Variants in DCT observed in about 807,000 individuals in gnomAD.
The protein encoded by DCT is dopachrome tautomerase, also known as L-dopachrome tautomerase.
A neutral mutation model predicts 53.0 loss-of-function variants in DCT; 47 were observed. That is an observed-to-expected ratio of 0.89 (90% CI 0.70 to 1.13). DCT has a LOEUF of 1.13. Ranked by LOEUF, DCT falls within the 50% of genes most tolerant of loss-of-function variation. The pLI is 0.00. For synonymous variants in DCT, 244 were observed against 237.0 expected (o/e 1.03, Z -0.27); for missense variants, 669 against 637.4 (o/e 1.05, Z -0.53).
intron 6 of DCT, among the ~76,000 whole-genome samples, chr13:94,448,687 G>A (rs1043726859): frequency 8.5e-5 from 13 of 152,126 alleles, no homozygotes; most frequent in Non-Finnish European, 4.4e-5. Flanking sequence ...AGGATCACCC[G>A]AGGTCAGGAG....
chr13:94,504,583 G>T, the DCT span, among the ~76,000 whole-genome samples: 1 of 152,102 alleles, frequency 6.6e-6, no homozygotes, highest in African/African-American at 2.4e-5. Flanking sequence ...TGGCCAGGCT[G>T]GTCTCGAACT....
Position 94,465,691 on chromosome 13 carries a change from C to A in DCT, c.805G>T (p.Asp269Tyr). The part of the protein sequence containing the change: ...DQLFGAARPD[D>Y]PTLISRNSRF... ...GAGTTCCGACTAATCAGAGTCGGAT[C>A]GTCTGGTCTCGCTGCCCCAAACAGC... Residue 269 changes from aspartate (D) to tyrosine (Y), a missense_variant, in exon 4 of 8, where the codon GAT becomes TAT. Asp to Tyr is a radical substitution (Grantham distance 160, BLOSUM62 -3). Transcript: ENST00000377028. 5.0e-6 allele frequency: 8 copies of A among 1,613,468 alleles called. No homozygotes were observed. The highest frequency in any genetic ancestry group is 6.8e-6 in the Non-Finnish European group (8 of 1,179,892).
the DCT span, among the ~76,000 whole-genome samples, chr13:94,485,122 T>C: frequency 1.5e-5 from 1 of 67,552 alleles, no homozygotes; most frequent in Non-Finnish European, 2.7e-5. Context: ...TCTGGCACTC[T>C]GCTGGGGGGC....
chr13:94,452,896 T>G (rs1883189036), intron 6 of DCT, among the ~76,000 whole-genome samples: 1 of 152,156 alleles, frequency 6.6e-6, no homozygotes, highest in Non-Finnish European at 1.5e-5. Context: ...TATTTGTTTG[T>G]GTATTTATAA....
the DCT span, among the ~76,000 whole-genome samples, chr13:94,511,825 AGTGTGTGTGTGTGTGT>A: frequency 0.22 from 31,846 of 143,720 alleles, 3,584 homozygotes; most frequent in South Asian, 0.33. Flanking sequence ...CAGCATTGTC[AGTGTGTGTGTGTGTGT>A]GTGTGTGTGT....
At position 94,478,954 on chromosome 13, in the gene DCT, G is replaced by T. The variant is rs1219719480; in HGVS notation, c.295+7C>A. The T allele has an allele frequency of 6.2e-7, 1 of 1,602,946 alleles. No homozygotes were observed. Among genetic ancestry groups the T allele is most frequent in the East Asian group, 2.2e-5 (1 of 44,672 alleles). ...CCTCCCCACCAAGCTTGGAGCATGG[G>T]CCTCACCTGTGCACTTGCAGGTCCG... On this transcript the variant is annotated splice_region_variant and intron_variant, in intron 1 of 7. Transcript: ENST00000377028.
chr13:94,478,059 G>A (rs564105099), intron 1 of DCT, among the ~76,000 whole-genome samples: 2 of 152,206 alleles, frequency 1.3e-5, no homozygotes, highest in African/African-American at 2.4e-5. Flanking sequence ...AGAGACCAGA[G>A]TCTAAAGGAA....
At chr13:94,476,180 CTTTTTTTTTTTTTTTTT>C (rs529819051) in intron 1 of DCT, among the ~76,000 whole-genome samples, 1 of 72,732 alleles carries the variant, frequency 1.4e-5, no homozygotes, top group Non-Finnish European at 2.5e-5. Context: ...GGGGGAGCCT[CTTTTTTTTTTTTTTTTT>C]TTTTTTTTTT....
At chr13:94,461,374 T>C (rs960611583) in intron 5 of DCT, among the ~76,000 whole-genome samples, 3 of 152,170 alleles carry the variant, frequency 2.0e-5, no homozygotes, top group African/African-American at 7.2e-5. Flanking sequence ...ACCTGGCTAC[T>C]TTTTTATATT....
chr13:94,472,557 TATATATATATA>T (rs1376980652), intron 1 of DCT, among the ~76,000 whole-genome samples: 38 of 29,476 alleles, frequency 1.3e-3, no homozygotes, highest in African/African-American at 3.5e-3. Flanking sequence ...TATATATATA[TATATATATATA>T]TTTTTTTTTT....
At chr13:94,521,977 A>G in the DCT span, among the ~76,000 whole-genome samples, 1 of 152,194 alleles carries the variant, frequency 6.6e-6, no homozygotes, top group South Asian at 2.1e-4. Context: ...TTTCATATCA[A>G]TGGAACCATA....
At chr13:94,507,538 T>C in the DCT span, among the ~76,000 whole-genome samples, 1 of 151,042 alleles carries the variant, frequency 6.6e-6, no homozygotes, top group African/African-American at 2.4e-5. Flanking sequence ...TCTTTCTCTG[T>C]TGCCCAGGCT....
chr13:94,508,682 C>T, the DCT span, among the ~76,000 whole-genome samples: 2 of 152,068 alleles, frequency 1.3e-5, no homozygotes, highest in South Asian at 2.1e-4. Context: ...AAGGGGGATT[C>T]GAATTGTTGT....
At chr13:94,460,065 C>A in intron 6 of DCT, 26 bp downstream of exon 6, 1 of 1,606,440 alleles carries the variant, frequency 6.2e-7, no homozygotes, top group Non-Finnish European at 8.5e-7. Context: ...AGAAAATTTT[C>A]ATGCATTCTG....
At chr13:94,473,014 TC>T (rs1246865224) in intron 1 of DCT, among the ~76,000 whole-genome samples, 1 of 152,178 alleles carries the variant, frequency 6.6e-6, no homozygotes, top group South Asian at 2.1e-4. Context: ...CGTCAGTTTT[TC>T]CCCCTCTCTG....
chr13:94,517,490 CCA>C, the DCT span, among the ~76,000 whole-genome samples: 1 of 152,210 alleles, frequency 6.6e-6, no homozygotes, highest in African/African-American at 2.4e-5. Context: ...ACCTCTGTGA[CCA>C]CACCCTCACA....
the DCT span, among the ~76,000 whole-genome samples, chr13:94,545,592 C>T: frequency 9.2e-5 from 14 of 152,068 alleles, no homozygotes; most frequent in Non-Finnish European, 1.8e-4. Flanking sequence ...CAACAGCCTC[C>T]AATCAGGGCA....
chr13:94,519,735 G>A, the DCT span, among the ~76,000 whole-genome samples: 3 of 152,184 alleles, frequency 2.0e-5, no homozygotes, highest in Non-Finnish European at 4.4e-5. Context: ...GCCAGTGGTT[G>A]CCTTGATTCA....
At chr13:94,468,070 A>G (rs11618471) in intron 2 of DCT, 22,072 of 152,274 alleles carry the variant, frequency 0.14, 1,932 homozygotes, top group Non-Finnish European at 0.2. Flanking sequence ...GCAGGTCACC[A>G]ATTTCTCAAG....
Sources: allele counts gnomAD v4.1 joint callset (sites outside exome capture counted in the v4.1 genomes callset), GRCh38; gene constraint gnomAD v4.1.1; transcripts MANE v1.5; gene names NCBI Gene and HGNC (gene_info 2026-07-23, HGNC 2026-07-21).